PNLIP: variants seen among roughly 807,000 people sequenced by gnomAD.
PNLIP encodes the protein pancreatic triacylglycerol lipase.
A neutral mutation model predicts 57.1 loss-of-function variants in PNLIP; 49 were observed. The observed-to-expected ratio is 0.86, with a 90% CI of 0.68 to 1.09. The LOEUF (loss-of-function observed/expected upper bound fraction) is 1.09. Among genes scored for constraint, PNLIP ranks in the 50% least tolerant of loss-of-function variants. PNLIP has a pLI of 0.00. For synonymous variants in PNLIP, 209 were observed against 200.4 expected (o/e 1.04, Z -0.36); for missense variants, 503 against 570.2 (o/e 0.88, Z 1.20).
intron 1 of PNLIP, 56 bp from the exon 2 acceptor site, chr10:116,546,037 C>A: frequency 6.6e-7 from 1 of 1,503,784 alleles, no homozygotes; most frequent in Non-Finnish European, 9.3e-7. Flanking sequence ...TGAACTAAAA[C>A]TTGCCGATCT....
intron 4 of PNLIP, among the ~76,000 whole-genome samples, chr10:116,549,213 C>T (rs1051634644): frequency 6.6e-6 from 1 of 152,158 alleles, no homozygotes; most frequent in Non-Finnish European, 1.5e-5. Flanking sequence ...TGTGGTGGCT[C>T]ATACCTGTAA....
At chr10:116,562,622 A>G (rs1847325956) in intron 12 of PNLIP, among the ~76,000 whole-genome samples, 1 of 152,234 alleles carries the variant, frequency 6.6e-6, no homozygotes, top group African/African-American at 2.4e-5. Flanking sequence ...GGAGAATCCC[A>G]GAGATTATGA....
At chr10:116,554,541 G>T (rs1847231684) in intron 6 of PNLIP, among the ~76,000 whole-genome samples, 1 of 152,126 alleles carries the variant, frequency 6.6e-6, no homozygotes, top group African/African-American at 2.4e-5. Flanking sequence ...CCTCTGTAAG[G>T]TTATAAGAAA....
intron 6 of PNLIP, 98 bp downstream of exon 6, chr10:116,553,936 T>C: frequency 3.7e-6 from 2 of 546,572 alleles, no homozygotes; most frequent in Admixed American, 3.8e-5. Context: ...GCGAGACTCC[T>C]ATCTCCTTAA....
chr10:116,547,167 C>A, intron 2 of PNLIP, 127 bp from the exon 3 acceptor site: 1 of 817,158 alleles, frequency 1.2e-6, no homozygotes, highest in Non-Finnish European at 2.1e-6. Context: ...GAGTGTGTGG[C>A]TAGGAGGGTG....
intron 4 of PNLIP, among the ~76,000 whole-genome samples, chr10:116,549,831 T>A (rs1378036162): frequency 1.3e-5 from 2 of 152,182 alleles, no homozygotes; most frequent in African/African-American, 4.8e-5. Context: ...TGGTTTGTTT[T>A]TGTTTTGTTT....
chr10:116,555,229 T>C lies in PNLIP; in HGVS notation c.623T>C (p.Leu208Ser), dbSNP rs1180416474. Residue 208 changes from leucine to serine, a missense_variant, in exon 7 of 13, where the codon TTG becomes TCG. Leu to Ser is a moderately radical substitution (Grantham distance 145). Transcript: ENST00000369221. ...CFQGTPELVR[L>S]DPSDAKFVDV... Reference sequence around the variant, plus strand: ...CAGGGCACACCTGAATTAGTCCGATTGGACCCCAGCGATGCCAAATTTGTG... The same window carrying C: ...CAGGGCACACCTGAATTAGTCCGATCGGACCCCAGCGATGCCAAATTTGTG... 2 of 1,614,240 alleles carry C rather than the reference T, an allele frequency of 1.2e-6. No homozygotes were observed. Among genetic ancestry groups the C allele is most frequent in the Non-Finnish European group, 1.7e-6 (2 of 1,180,038 alleles).
rs531494589 is a variant in PNLIP at position 116,552,283 on chromosome 10, A to G, written c.459+1051A>G. Among the ~76,000 whole-genome samples the G allele has an allele frequency of 2.0e-5, 3 of 152,338 alleles. No individual in the cohort carries two copies. In the East Asian group the frequency reaches 5.8e-4, roughly 29 times the overall value. On this transcript the variant is annotated intron_variant, in intron 5 of 12. Coordinates refer to ENST00000369221, the MANE Select transcript of PNLIP (RefSeq NM_000936.4). ...TAAAACAGCCTCAGGCAGATCCTTC[A>G]GGAAGTATTCCAGAAGAAGACATGT...
Position 116,556,084 on chromosome 10 carries a change from G to T in PNLIP, c.896G>T (p.Gly299Val). ...DSIVNPDGFA[G>V]FPCASYNVFT... ...ATCGTCAACCCTGATGGCTTTGCTG[G>T]ATTCCCCTGTGCCTCTTACAACGTC... The change falls in exon 9 of 13, where the codon GGA becomes GTA. Residue 299 changes from glycine to valine, a missense_variant. By Grantham distance (109) the Gly-to-Val change is moderately radical. Transcript: ENST00000369221. The T allele has an allele frequency of 6.2e-7, 1 of 1,613,194 alleles. No homozygotes were observed. The highest frequency in any genetic ancestry group is 8.5e-7 in the Non-Finnish European group (1 of 1,179,198).
intron 10 of PNLIP, 132 bp downstream of exon 10, chr10:116,559,415 A>G: frequency 3.0e-6 from 2 of 672,060 alleles, no homozygotes; most frequent in Non-Finnish European, 2.5e-6. Flanking sequence ...AAAAATGCTC[A>G]ATGCTATGTT....
chr10:116,558,104 A>G (rs1847272058), intron 9 of PNLIP, among the ~76,000 whole-genome samples: 2 of 151,716 alleles, frequency 1.3e-5, no homozygotes, highest in Admixed American at 6.6e-5. Flanking sequence ...AATTGAAAAA[A>G]GCCTGACTTT....
intron 11 of PNLIP, among the ~76,000 whole-genome samples, chr10:116,561,085 T>C (rs1416196689): frequency 6.6e-6 from 1 of 152,228 alleles, no homozygotes; most frequent in African/African-American, 2.4e-5. Flanking sequence ...ATGTTTGCTT[T>C]GATAACTGGC....
Position 116,559,202 on chromosome 10 carries a change from T to C in PNLIP, c.979T>C (p.Tyr327His). 1 of 1,614,028 alleles carries C rather than the reference T, an allele frequency of 6.2e-7. No individual in the cohort carries two copies. The highest frequency in any genetic ancestry group is 1.1e-5 in the South Asian group (1 of 91,070). ...PSGGCPQMGHYADRYPGKTND... is the reference protein window; with the variant it reads ...PSGGCPQMGHHADRYPGKTND... ...TGGAGGCTGCCCACAGATGGGTCAC[T>C]ATGCTGATAGATATCCTGGGAAAAC... is the stretch of plus-strand genomic sequence containing the variant. Residue 327 changes from tyrosine (Y) to histidine (H), a missense_variant, in exon 10 of 13, where the codon TAT becomes CAT. Coordinates refer to ENST00000369221, the MANE Select transcript of PNLIP (RefSeq NM_000936.4).
Position 116,556,043 on chromosome 10 carries a change from A to G in PNLIP, c.855A>G (p.Lys285=). The G allele has an allele frequency of 1.2e-6, 2 of 1,613,994 alleles. No homozygotes were observed. The highest frequency in any genetic ancestry group is 1.7e-6 in the Non-Finnish European group (2 of 1,179,884). Residue 285 remains lysine, a synonymous_variant, in exon 9 of 13, where the codon AAA becomes AAG. Transcript: ENST00000369221. ...FAACNHLRSY[K]YYTDSIVNPD... is the part of the protein sequence containing the mutation. ...CCTGTAATCACTTAAGAAGCTACAAATATTACACTGATAGCATCGTCAACC... is the reference window on the plus strand; with the variant it reads ...CCTGTAATCACTTAAGAAGCTACAAGTATTACACTGATAGCATCGTCAACC...
chr10:116,551,114 A>C lies in PNLIP; in HGVS notation c.341A>C (p.Glu114Ala), dbSNP rs776261904. The C allele has an allele frequency of 6.2e-7, 1 of 1,601,630 alleles. No homozygotes were observed. Among genetic ancestry groups the C allele is most frequent in the Non-Finnish European group, 8.5e-7 (1 of 1,173,166 alleles). ...ANVCKNLFKV[E>A]SVNCICVDWK... Reference sequence around the variant, plus strand: ...TTCCACCAGAATCTGTTCAAGGTGGAAAGTGTGAACTGTATCTGTGTGGAC... The same window carrying C: ...TTCCACCAGAATCTGTTCAAGGTGGCAAGTGTGAACTGTATCTGTGTGGAC... Residue 114 changes from glutamate to alanine, a missense_variant, in exon 5 of 13, where the codon GAA becomes GCA. Glu to Ala is a moderately radical substitution (Grantham distance 107, BLOSUM62 -1). Transcript: ENST00000369221.
chr10:116,546,218 G>C, intron 2 of PNLIP, 80 bp downstream of exon 2: 1 of 1,179,342 alleles, frequency 8.5e-7, no homozygotes, highest in Admixed American at 1.7e-5. Flanking sequence ...CTGAATTCAG[G>C]CCGCAGTAAT....
Position 116,567,762 on chromosome 10 carries a change from C to G in PNLIP, c.1362C>G (p.Val454=). ...TCAACTTCTGTAGTCCAGAAACCGT[C>G]AGGGAGGAAGTTCTGCTCACCCTCA... ...KQFNFCSPET[V]REEVLLTLTP... is the part of the protein sequence containing the mutation. The change falls in exon 13 of 13, where the codon GTC becomes GTG. Residue 454 remains valine (V), a synonymous_variant. Transcript: ENST00000369221. 1 of 1,613,964 alleles carries G rather than the reference C, an allele frequency of 6.2e-7. No homozygotes were observed. The highest frequency in any genetic ancestry group is 1.3e-5 in the African/African-American group (1 of 75,038).
chr10:116,548,455 AG>A lies in PNLIP; in HGVS notation c.298del (p.Glu100LysfsTer17). The A allele has an allele frequency of 6.2e-7, 1 of 1,614,092 alleles. No individual in the cohort carries two copies. Among genetic ancestry groups the A allele is most frequent in the Non-Finnish European group, 8.5e-7 (1 of 1,179,956 alleles). On this transcript the variant is annotated frameshift_variant, in exon 4 of 13. Coordinates refer to ENST00000369221, the MANE Select transcript of PNLIP (RefSeq NM_000936.4). LOFTEE classifies it high-confidence loss of function. ...TTCATGGATTCATAGACAAGGGAGA[AG>A]AAAACTGGCTGGCCAATGTGTGCAA... is the stretch of plus-strand genomic sequence containing the variant. Reference protein sequence around the residue: ...IIHGFIDKGEENWLANVCKNL... With the variant: ...IIHGFIDKGEXNWLANVCKNL...
At chr10:116,555,856 A>G (rs1220390451) in intron 8 of PNLIP, 144 bp from the exon 9 acceptor site, 4 of 648,290 alleles carry the variant, frequency 6.2e-6, no homozygotes, top group African/African-American at 1.8e-5. Context: ...CAAATCATAA[A>G]TATACTTTAC....
Sources: allele counts gnomAD v4.1 joint callset (sites outside exome capture counted in the v4.1 genomes callset), GRCh38; gene constraint gnomAD v4.1.1; transcripts MANE v1.5; gene names NCBI Gene and HGNC (gene_info 2026-07-23, HGNC 2026-07-21).